The following KCNN3 variants were observed in gnomAD, a reference collection of about 807,000 sequenced individuals.
KCNN3 encodes small conductance calcium-activated potassium channel protein 3.
KCNN3 carries 16 observed loss-of-function variants against 62.9 expected under a neutral mutation model. The ratio of observed to expected loss-of-function variants is 0.25; its 90% CI spans 0.17 to 0.39. The LOEUF is 0.39. KCNN3 is among the 10% of genes least tolerant of loss of function. The pLI is 1.00. For synonymous variants in KCNN3, 370 were observed against 389.2 expected (o/e 0.95, Z 0.58); for missense variants, 599 against 949.4 (o/e 0.63, Z 4.85).
chr1:154,829,772 C>T (rs1571317979), intron 1 of KCNN3, among the ~76,000 whole-genome samples: 1 of 152,198 alleles, frequency 6.6e-6, no homozygotes, highest in South Asian at 2.1e-4. Context: ...GAGCCATTAC[C>T]TGCTTTAATA....
At position 154,809,551 on chromosome 1, in the gene KCNN3, G is replaced by C. The variant is rs1379244363; in HGVS notation, c.1029+12538C>G. Among the ~76,000 whole-genome samples the C allele has an allele frequency of 3.3e-5, 5 of 152,172 alleles. No homozygotes were observed. Among genetic ancestry groups the C allele is most frequent in the Admixed American group, 6.5e-5 (1 of 15,282 alleles). ...GTTTACCTCCCAGATTTGACTTCTG[G>C]TTCGACATTTGTATCAATGGTTTAG... is the stretch of plus-strand genomic sequence containing the variant. On this transcript the variant is annotated intron_variant, in intron 2 of 7. Transcript: ENST00000271915. The surrounding 1 kb of genome is among the most constrained non-coding windows in gnomAD (Gnocchi z 4.3).
chr1:154,829,020 G>A lies in KCNN3; in HGVS notation c.934-6836C>T, dbSNP rs769299240. Among the ~76,000 whole-genome samples the A allele has an allele frequency of 7.2e-5, 11 of 152,260 alleles. No homozygotes were observed. The East Asian group carries it at 7.7e-4, about 11-fold the overall frequency. ...GCCAAATGCCAGGGATTCCCCACCC[G>A]CTCCAACCCCAACCTGCTGAGCCTG... On this transcript the variant is annotated intron_variant, in intron 1 of 7. Transcript: ENST00000271915.
intron 5 of KCNN3, among the ~76,000 whole-genome samples, 200 bp from the exon 6 acceptor site, chr1:154,715,203 C>T (rs995506150): frequency 3.3e-5 from 5 of 151,934 alleles, no homozygotes; most frequent in Admixed American, 6.6e-5. Context: ...TTTGGGAGGC[C>T]GAGGCGGGTG....
rs1700931580 is a variant in KCNN3, at chr1:154,746,205, GC to G, written c.1449-13062del. Among the ~76,000 whole-genome samples the G allele has an allele frequency of 2.0e-5, 3 of 152,194 alleles. No individual in the cohort carries two copies. In the South Asian group the frequency reaches 6.2e-4, roughly 32 times the overall value. On this transcript the variant is annotated intron_variant, in intron 3 of 7. Transcript: ENST00000271915. ...GGGAACTTAGAGTTCTAGGAAGAAG[GC>G]AGACACCAAGCAACACCAAGGCAAA...
chr1:154,851,042 A>G (rs980651713), intron 1 of KCNN3, among the ~76,000 whole-genome samples: 28 of 152,194 alleles, frequency 1.8e-4, no homozygotes, highest in Admixed American at 1.2e-3. Flanking sequence ...CAATGGCACT[A>G]TCTCGGCTCA....
chr1:154,711,855 C>G (rs1251668048), intron 7 of KCNN3, among the ~76,000 whole-genome samples: 5 of 152,004 alleles, frequency 3.3e-5, no homozygotes, highest in Non-Finnish European at 7.4e-5. Context: ...GAGCCTGTTA[C>G]AGTCTGTCGC....
rs1019268765 is a variant in KCNN3 at position 154,702,732 on chromosome 1, T to C, written c.*5244A>G. Reference sequence around the variant, plus strand: ...ATATATATATATATATATATATATATATATATATATATATATGTACTTTTT... The same window carrying C: ...ATATATATATATATATATATATATACATATATATATATATATGTACTTTTT... On this transcript the variant is annotated 3_prime_UTR_variant, in exon 8 of 8. Transcript: ENST00000271915. 7.3e-6 allele frequency: 1 copy of C among 137,264 alleles called. No individual in the cohort carries two copies. The highest frequency in any genetic ancestry group is 2.7e-5 in the African/African-American group (1 of 37,130). The allele number at this position is 137,264 out of a possible 1,614,324, so 8.5% of individuals were successfully genotyped here.
At chr1:154,812,255 CTT>C (rs963745903) in intron 2 of KCNN3, among the ~76,000 whole-genome samples, 5 of 151,562 alleles carry the variant, frequency 3.3e-5, no homozygotes, top group Admixed American at 6.6e-5. Flanking sequence ...ACAGAATATT[CTT>C]TTTTTTTCTT....
intron 2 of KCNN3, among the ~76,000 whole-genome samples, chr1:154,806,908 C>T (rs1650195538): frequency 6.6e-6 from 1 of 152,136 alleles, no homozygotes; most frequent in South Asian, 2.1e-4. Flanking sequence ...CCAGGGTGCC[C>T]AAGGACTCCC....
At chr1:154,738,201 C>T (rs1050383372) in intron 3 of KCNN3, among the ~76,000 whole-genome samples, 5 of 152,096 alleles carry the variant, frequency 3.3e-5, no homozygotes, top group African/African-American at 9.7e-5. Context: ...GGAAAGGAGA[C>T]AATCCTACAG....
intron 3 of KCNN3, among the ~76,000 whole-genome samples, chr1:154,739,749 T>C (rs1257086654): frequency 6.6e-6 from 1 of 152,252 alleles, no homozygotes; most frequent in Admixed American, 6.5e-5. Flanking sequence ...TCTCACTAGT[T>C]ATCTTTTGGA....
chr1:154,865,794 A>G (rs144229706), intron 1 of KCNN3, among the ~76,000 whole-genome samples: 153 of 152,366 alleles, frequency 1.0e-3, no homozygotes, highest in African/African-American at 3.6e-3. Flanking sequence ...AACTTCAGAA[A>G]GCAGCAGCTC....
chr1:154,789,518 C>T (rs536924913), intron 2 of KCNN3, among the ~76,000 whole-genome samples: 1 of 152,108 alleles, frequency 6.6e-6, no homozygotes, highest in Non-Finnish European at 1.5e-5. Context: ...CCTAGGAAGA[C>T]GTTGTCATTA....
In KCNN3 at chr1:154,848,711, C is replaced by G. The variant is rs530475401; in HGVS notation, c.933+20321G>C. On this transcript the variant is annotated intron_variant, in intron 1 of 7. Coordinates refer to ENST00000271915, the MANE Select transcript of KCNN3 (RefSeq NM_002249.6). ...CCTACTGTTGCCTCGGCTCAGAACA[C>G]GCATTCCCTTTTGCCTCATGAAGCC... 2.0e-5 allele frequency among the ~76,000 whole-genome samples: 3 copies of G among 152,306 alleles called. No homozygotes were observed. In the South Asian group the frequency reaches 6.2e-4, roughly 32 times the overall value.
intron 3 of KCNN3, among the ~76,000 whole-genome samples, chr1:154,765,208 C>T (rs896023239): frequency 6.6e-6 from 1 of 152,204 alleles, no homozygotes; most frequent in South Asian, 2.1e-4. Context: ...CTCTGATCTA[C>T]CATCCCCACA....
chr1:154,844,131 C>T lies in KCNN3; in HGVS notation c.934-21947G>A, dbSNP rs140151747. 3.2e-4 allele frequency among the ~76,000 whole-genome samples: 48 copies of T among 152,334 alleles called. 1 individual carries two copies. Among genetic ancestry groups the T allele is most frequent in the South Asian group, 8.3e-4 (4 of 4,828 alleles). ...CCCGTTACACACAGATCTGGGCAGA[C>T]GCCCTCACCCTCACTCCTTCCCCTC... is the stretch of plus-strand genomic sequence containing the variant. On this transcript the variant is annotated intron_variant, in intron 1 of 7. Coordinates refer to ENST00000271915, the MANE Select transcript of KCNN3 (RefSeq NM_002249.6).
rs1553231996 is a variant in KCNN3 at position 154,766,416 on chromosome 1, T to TTTTATATATATATATATATATATATA, written c.1448+5558_1448+5559insTATATATATATATATATATATATAAA. Among the ~76,000 whole-genome samples the TTTTATATATATATATATATATATATA allele has an allele frequency of 1.9e-3, 135 of 71,786 alleles. 10 individuals carry two copies. Among genetic ancestry groups the TTTTATATATATATATATATATATATA allele is most frequent in the Non-Finnish European group, 2.6e-3 (95 of 35,914 alleles). The allele number at this position is 71,786 out of a possible 152,430, so 47.1% of individuals were successfully genotyped here. On this transcript the variant is annotated intron_variant, in intron 3 of 7. Coordinates refer to ENST00000271915, the MANE Select transcript of KCNN3 (RefSeq NM_002249.6). ...CCATTTATTAAATACTAGCCAGGCT[T>TTTTATATATATATATATATATATATA]TATATATATATATATATATATATAT... is the stretch of plus-strand genomic sequence containing the variant.
intron 3 of KCNN3, among the ~76,000 whole-genome samples, chr1:154,767,583 G>T (rs1250351951): frequency 6.6e-6 from 1 of 152,218 alleles, no homozygotes; most frequent in Admixed American, 6.5e-5. Flanking sequence ...CCAACCTGCT[G>T]CCGCAGTGAG....
At chr1:154,812,210 A>G (rs796346887) in intron 2 of KCNN3, among the ~76,000 whole-genome samples, 10 of 152,356 alleles carry the variant, frequency 6.6e-5, no homozygotes, top group African/African-American at 2.4e-4. Flanking sequence ...ACTTTGAAAA[A>G]GTCAGGGATG....
Sources: gnomAD v4.1 joint callset for allele counts (sites outside exome capture counted in the v4.1 genomes callset) on GRCh38, gnomAD v4.1.1 for gene constraint, Gnocchi (gnomAD v3.1) non-coding constraint, MANE v1.5 for transcripts, NCBI Gene and HGNC (gene_info 2026-07-23, HGNC 2026-07-21) for gene names.